The following NAV2 variants were observed in gnomAD, a reference collection of about 807,000 sequenced individuals.
NAV2 encodes the protein helicase, APC down-regulated 1.
Under a neutral mutation model 223.2 loss-of-function variants are expected in NAV2, and 54 were observed. The ratio of observed to expected loss-of-function variants is 0.24; its 90% CI spans 0.19 to 0.30. NAV2 has a LOEUF of 0.30. NAV2 is among the 10% of genes least tolerant of loss of function. NAV2 has a pLI of 1.00. For missense variants in NAV2, 2,806 were observed against 3,147.5 expected (o/e 0.89, Z 2.60); for synonymous variants, 1,279 against 1,239.3 (o/e 1.03, Z -0.67).
chr11:19,768,818 T>C lies in NAV2; in HGVS notation c.267+54856T>C, dbSNP rs571677468. On this transcript the variant is annotated intron_variant, in intron 1 of 37. Coordinates refer to ENST00000349880, the MANE Select transcript of NAV2 (RefSeq NM_145117.5). ...GTACTGTAAAATGCCAGTGGTACCATATTCAAAGGTTTATTGTGAGGACTG... is the reference window on the plus strand; with the variant it reads ...GTACTGTAAAATGCCAGTGGTACCACATTCAAAGGTTTATTGTGAGGACTG... 4.6e-5 allele frequency among the ~76,000 whole-genome samples: 7 copies of C among 152,350 alleles called. 1 individual carries two copies. The South Asian group carries it at 1.5e-3, about 32-fold the overall frequency.
chr11:19,762,855 G>T (rs572258087), intron 1 of NAV2, among the ~76,000 whole-genome samples: 76 of 151,980 alleles, frequency 5.0e-4, no homozygotes, highest in Middle Eastern at 6.8e-3. Flanking sequence ...CTTGTGATCC[G>T]CCCGCCTCAG....
At chr11:20,085,711 A>G (rs1754264635) in intron 26 of NAV2, among the ~76,000 whole-genome samples, 1 of 152,224 alleles carries the variant, frequency 6.6e-6, no homozygotes, top group Non-Finnish European at 1.5e-5. Flanking sequence ...CTAGTGATGT[A>G]GGCACTGAGG....
chr11:19,984,354 A>G (rs765222105), intron 11 of NAV2, 107 bp downstream of exon 11: 22 of 1,533,348 alleles, frequency 1.4e-5, no homozygotes, highest in Non-Finnish European at 1.9e-5. Flanking sequence ...TTGAACCCAC[A>G]GAGAGGGAGG....
At chr11:19,954,109 C>G (rs1943978580) in intron 10 of NAV2, among the ~76,000 whole-genome samples, 1 of 152,214 alleles carries the variant, frequency 6.6e-6, no homozygotes, top group South Asian at 2.1e-4. Flanking sequence ...TGGTGTCCAT[C>G]TAGTGGTTGA....
intron 5 of NAV2, among the ~76,000 whole-genome samples, chr11:19,883,483 T>G (rs1253280378): frequency 6.6e-6 from 1 of 152,240 alleles, no homozygotes. Context: ...TTCCTCCATC[T>G]GTGTCTACAC....
At chr11:19,886,983 A>T (rs766752598) in intron 5 of NAV2, among the ~76,000 whole-genome samples, 4 of 151,422 alleles carry the variant, frequency 2.6e-5, no homozygotes, top group Non-Finnish European at 5.9e-5. Context: ...CCTTCTCTAC[A>T]CCCCCCTTTC....
At position 19,880,106 on chromosome 11, in the gene NAV2, C is replaced by A; in HGVS notation, c.749C>A (p.Ala250Glu). The A allele has an allele frequency of 1.2e-6, 2 of 1,601,024 alleles. No individual in the cohort carries two copies. The highest frequency in any genetic ancestry group is 1.7e-6 in the Non-Finnish European group (2 of 1,172,300). The change falls in exon 5 of 38, where the codon GCA becomes GAA. Residue 250 changes from alanine (A) to glutamate (E), a missense_variant. By Grantham distance (107) the Ala-to-Glu change is moderately radical. Around this residue, in one of 4 missense-constraint regions of NAV2, gnomAD observed 1,167 missense variants for 1,180.5 expected, o/e 0.99. Coordinates refer to ENST00000349880, the MANE Select transcript of NAV2 (RefSeq NM_145117.5). ...CCAGCGCCACATCAGCAGTCAAAAG[C>A]ACAAGCTGAAATGCAGTCCAGGTGG... Reference protein sequence around the residue: ...HQPAPHQQSKAQAEMQSRLPG... With the variant: ...HQPAPHQQSKEQAEMQSRLPG...
chr11:19,724,876 G>A (rs1232743863), intron 1 of NAV2, among the ~76,000 whole-genome samples: 7 of 152,168 alleles, frequency 4.6e-5, no homozygotes, highest in East Asian at 1.9e-4. Context: ...ATTTATTTAC[G>A]AGGAATCTCA....
chr11:20,053,671 T>G (rs1467986271), intron 17 of NAV2, among the ~76,000 whole-genome samples: 1 of 152,244 alleles, frequency 6.6e-6, no homozygotes, highest in Non-Finnish European at 1.5e-5. Context: ...TTATTTGTGT[T>G]GTAGAATGGC....
chr11:20,101,310 G>T, intron 32 of NAV2, 138 bp downstream of exon 32: 1 of 665,692 alleles, frequency 1.5e-6, no homozygotes, highest in Non-Finnish European at 2.6e-6. Context: ...AAGAGGTCCA[G>T]AGGGGGCTAG....
intron 1 of NAV2, among the ~76,000 whole-genome samples, chr11:19,654,525 T>C (rs1357516611): frequency 1.3e-5 from 2 of 152,170 alleles, no homozygotes; most frequent in African/African-American, 4.8e-5. Flanking sequence ...AACAGCATGG[T>C]ACTGGTACCA....
At chr11:19,580,923 G>A (rs2045696976) in intron 1 of NAV2, among the ~76,000 whole-genome samples, 1 of 152,102 alleles carries the variant, frequency 6.6e-6, no homozygotes, top group Admixed American at 6.5e-5. Context: ...CCTACTTATA[G>A]GATACTCATC....
intron 1 of NAV2, among the ~76,000 whole-genome samples, chr11:19,600,580 C>A (rs2046325960): frequency 6.6e-6 from 1 of 152,190 alleles, no homozygotes; most frequent in African/African-American, 2.4e-5. Flanking sequence ...ACTCTGGAGC[C>A]AGAATAACTG....
At chr11:19,860,119 G>A (rs1258455155) in intron 3 of NAV2, among the ~76,000 whole-genome samples, 9 of 139,886 alleles carry the variant, frequency 6.4e-5, no homozygotes, top group African/African-American at 2.2e-4. Flanking sequence ...AGGGGCGGCC[G>A]GGCAGAGGCG....
intron 1 of NAV2, among the ~76,000 whole-genome samples, chr11:19,660,960 T>C (rs963521505): frequency 9.2e-5 from 14 of 152,146 alleles, no homozygotes; most frequent in African/African-American, 9.6e-5. Context: ...ACATTTACCA[T>C]TGTAATCATT....
At chr11:19,809,160 T>G (rs1306302727) in intron 1 of NAV2, among the ~76,000 whole-genome samples, 1 of 152,228 alleles carries the variant, frequency 6.6e-6, no homozygotes, top group Non-Finnish European at 1.5e-5. Context: ...CAGTTACTAA[T>G]GAGTATTCTA....
intron 1 of NAV2, among the ~76,000 whole-genome samples, chr11:19,764,545 A>G (rs573008553): frequency 6.6e-6 from 1 of 152,244 alleles, no homozygotes; most frequent in Admixed American, 6.5e-5. Context: ...TTTTCTTATC[A>G]GTAAAATAGG....
At chr11:19,753,253 T>A (rs1249882592) in intron 1 of NAV2, among the ~76,000 whole-genome samples, 1 of 152,198 alleles carries the variant, frequency 6.6e-6, no homozygotes, top group African/African-American at 2.4e-5. Flanking sequence ...AATGGTACCT[T>A]CATCTTGACC....
intron 5 of NAV2, among the ~76,000 whole-genome samples, chr11:19,880,998 T>G (rs1216164228): frequency 6.6e-6 from 1 of 152,218 alleles, no homozygotes; most frequent in East Asian, 1.9e-4. Flanking sequence ...TCATCCAATA[T>G]GTGCTGAAGA....
Sources: allele counts gnomAD v4.1 joint callset (sites outside exome capture counted in the v4.1 genomes callset), GRCh38; gene constraint gnomAD v4.1.1; regional missense constraint gnomAD v4.1.1; transcripts MANE v1.5; gene names NCBI Gene and HGNC (gene_info 2026-07-23, HGNC 2026-07-21).